Variants in KCNH5 observed in about 807,000 individuals in gnomAD.
The protein encoded by KCNH5 is voltage-gated delayed rectifier potassium channel KCNH5.
A neutral mutation model predicts 96.1 loss-of-function variants in KCNH5; 46 were observed. The ratio of observed to expected loss-of-function variants is 0.48; its 90% confidence interval spans 0.38 to 0.61. The LOEUF (loss-of-function observed/expected upper bound fraction) is 0.61, where lower values mean the gene tolerates loss of function less well. Among genes scored for constraint, KCNH5 ranks in the 20% least tolerant of loss-of-function variants. The probability of loss-of-function intolerance (pLI) is 0.00; values close to 1 mark genes in which losing one functional copy is unlikely to be tolerated. For missense variants in KCNH5, 907 were observed against 1,225.8 expected (o/e 0.74, Z 3.88); for synonymous variants, 439 against 449.8 (o/e 0.98, Z 0.30).
intron 7 of KCNH5, among the ~76,000 whole-genome samples, chr14:62,913,154 GTTGGCCTCGAATATAAAA>G (rs1889203764): frequency 6.6e-6 from 1 of 152,172 alleles, no homozygotes. Flanking sequence ...GATGCATCTT[GTTGGCCTCGAATATAAAA>G]TTAGCCAGGA....
At chr14:62,885,999 A>C (rs1440939671) in intron 7 of KCNH5, among the ~76,000 whole-genome samples, 1 of 152,202 alleles carries the variant, frequency 6.6e-6, no homozygotes, top group Non-Finnish European at 1.5e-5. Flanking sequence ...CTAATGTAAT[A>C]ATTTCTGCTT....
At chr14:62,903,937 G>A (rs190672670) in intron 7 of KCNH5, among the ~76,000 whole-genome samples, 12 of 151,806 alleles carry the variant, frequency 7.9e-5, no homozygotes, top group Admixed American at 5.2e-4. Context: ...ATATTTTAGT[G>A]AGGAGGTCAC....
chr14:62,784,584 T>C (rs1001870027), intron 9 of KCNH5, among the ~76,000 whole-genome samples: 1 of 152,184 alleles, frequency 6.6e-6, no homozygotes, highest in African/African-American at 2.4e-5. Context: ...ATTATACTTC[T>C]TAATAAAACT....
chr14:62,736,094 T>C (rs950316367), intron 10 of KCNH5, among the ~76,000 whole-genome samples: 15 of 152,204 alleles, frequency 9.9e-5, no homozygotes, highest in Non-Finnish European at 1.5e-5. Flanking sequence ...TTTGGTGCTT[T>C]GTTATGGCAG....
At chr14:62,837,436 T>C (rs1354175097) in intron 8 of KCNH5, among the ~76,000 whole-genome samples, 1 of 152,216 alleles carries the variant, frequency 6.6e-6, no homozygotes, top group Non-Finnish European at 1.5e-5. Context: ...TGTGAATTCT[T>C]GGTTAAACTT....
intron 7 of KCNH5, among the ~76,000 whole-genome samples, chr14:62,889,487 AGC>A (rs1888661436): frequency 6.6e-6 from 1 of 152,216 alleles, no homozygotes; most frequent in Non-Finnish European, 1.5e-5. Flanking sequence ...AACAACTAAG[AGC>A]AGAGATATTG....
chr14:62,716,883 T>C (rs1029398053), intron 10 of KCNH5, among the ~76,000 whole-genome samples: 2 of 152,108 alleles, frequency 1.3e-5, no homozygotes, highest in Non-Finnish European at 2.9e-5. Flanking sequence ...GACATGATCA[T>C]GCATATAGAA....
chr14:62,824,315 C>A (rs187600924), intron 8 of KCNH5, among the ~76,000 whole-genome samples: 33 of 152,046 alleles, frequency 2.2e-4, no homozygotes, highest in African/African-American at 7.7e-4. Context: ...TTCACTCATT[C>A]TTAAGCACCA....
chr14:62,746,441 A>C (rs897886251), intron 10 of KCNH5, among the ~76,000 whole-genome samples: 1 of 152,254 alleles, frequency 6.6e-6, no homozygotes. Flanking sequence ...TTTAATTAAC[A>C]AGCTCAAGAA....
At chr14:62,878,771 T>C (rs1341475838) in intron 7 of KCNH5, among the ~76,000 whole-genome samples, 1 of 152,156 alleles carries the variant, frequency 6.6e-6, no homozygotes, top group Non-Finnish European at 1.5e-5. Flanking sequence ...AAGCTTAAGA[T>C]GTCAGCAGGG....
In KCNH5 at chr14:62,934,534, G is replaced by A. The variant is rs537504350; in HGVS notation, c.1369+15599C>T. On this transcript the variant is annotated intron_variant, in intron 7 of 10. Transcript: ENST00000322893. The stretch of plus-strand genomic sequence containing the variant: ...GCAAGTGCATTTATGCCAGGCCTCA[G>A]CATGATCGAGGATGAGGGACACACA... 1.1e-4 allele frequency among the ~76,000 whole-genome samples: 16 copies of A among 152,256 alleles called. No individual in the cohort carries two copies. The East Asian group carries it at 3.1e-3, about 29-fold the overall frequency.
chr14:63,043,842 G>A (rs949647273), intron 1 of KCNH5, among the ~76,000 whole-genome samples: 2 of 152,166 alleles, frequency 1.3e-5, no homozygotes, highest in African/African-American at 4.8e-5. Flanking sequence ...ACCATTTAGG[G>A]AAAGCATTAT....
At chr14:62,916,759 T>G (rs1889283427) in intron 7 of KCNH5, among the ~76,000 whole-genome samples, 5 of 152,202 alleles carry the variant, frequency 3.3e-5, no homozygotes, top group Admixed American at 2.6e-4. Flanking sequence ...CCAATATTCC[T>G]GCAGTGTGGC....
intron 8 of KCNH5, among the ~76,000 whole-genome samples, chr14:62,846,329 G>A (rs1887690823): frequency 6.6e-6 from 1 of 151,796 alleles, no homozygotes; most frequent in Non-Finnish European, 1.5e-5. Flanking sequence ...CCTTTCACTT[G>A]CAAAATTTGT....
chr14:62,749,338 T>A (rs750436194), intron 10 of KCNH5, among the ~76,000 whole-genome samples: 1 of 152,212 alleles, frequency 6.6e-6, no homozygotes, highest in Non-Finnish European at 1.5e-5. Flanking sequence ...TGGGACTTCA[T>A]AAGAAATGAG....
intron 9 of KCNH5, among the ~76,000 whole-genome samples, chr14:62,783,511 A>C (rs1393140638): frequency 6.6e-6 from 1 of 152,180 alleles, no homozygotes; most frequent in Non-Finnish European, 1.5e-5. Context: ...TCATTTTCTC[A>C]AATTGTCAAT....
At chr14:62,807,619 G>C (rs917179898) in intron 8 of KCNH5, among the ~76,000 whole-genome samples, 2 of 152,082 alleles carry the variant, frequency 1.3e-5, no homozygotes, top group Non-Finnish European at 2.9e-5. Context: ...AAAGCCATTA[G>C]ATTATAGATA....
At chr14:62,778,746 C>A (rs1003309) in intron 10 of KCNH5, among the ~76,000 whole-genome samples, 85,865 of 152,052 alleles carry the variant, frequency 0.56, 24,530 homozygotes, top group South Asian at 0.79. Flanking sequence ...TGATAACAAA[C>A]GTATGAACTG....
At chr14:62,796,449 T>C (rs890116505) in intron 9 of KCNH5, among the ~76,000 whole-genome samples, 1 of 152,198 alleles carries the variant, frequency 6.6e-6, no homozygotes, top group African/African-American at 2.4e-5. Context: ...CCCATAACAA[T>C]TTCAATCCCT....
Sources: gnomAD v4.1 joint callset for allele counts (sites outside exome capture counted in the v4.1 genomes callset) on GRCh38, gnomAD v4.1.1 for gene constraint, MANE v1.5 for transcripts, NCBI Gene and HGNC (gene_info 2026-07-23, HGNC 2026-07-21) for gene names.